The following PCTP variants were observed in gnomAD, a reference collection of about 807,000 sequenced individuals.
PCTP encodes the protein START domain-containing protein 2.
In PCTP, 27 loss-of-function variants were observed where a neutral mutation model predicts 31.0. The ratio of observed to expected loss-of-function variants is 0.87; its 90% CI spans 0.64 to 1.20. The LOEUF (loss-of-function observed/expected upper bound fraction) is 1.20, where lower values mean the gene tolerates loss of function less well. Among genes scored for constraint, PCTP ranks in the 50% most tolerant of loss-of-function variants. The pLI is 0.00. For missense variants in PCTP, 287 were observed against 268.2 expected, an observed-to-expected ratio of 1.07 and a Z score of -0.49; for synonymous variants, 108 against 101.2, an observed-to-expected ratio of 1.07 and a Z score of -0.40.
Position 55,814,901 on chromosome 17 carries a change from G to T in PCTP, c.318-7860G>T, listed in dbSNP as rs547396215. Among the ~76,000 whole-genome samples, 8 of 152,316 alleles carry T rather than the reference G, an allele frequency of 5.3e-5. 1 individual carries two copies. In the East Asian group the frequency reaches 1.5e-3, roughly 29 times the overall value. ...CAAGCGGAGTTTGGGGCTCTCTGAT[G>T]CATGCTCTACCATCTTTTTTACTGA... is the stretch of plus-strand genomic sequence containing the variant. On this transcript the variant is annotated intron_variant, in intron 3 of 3. Transcript: ENST00000572536.
intron 3 of PCTP, among the ~76,000 whole-genome samples, chr17:55,801,904 CAAAAAA>C: frequency 6.6e-6 from 1 of 152,038 alleles, no homozygotes; most frequent in East Asian, 1.9e-4. Flanking sequence ...AAAAACCCTT[CAAAAAA>C]ATCAGTGAAT....
At chr17:55,762,917 A>G (rs1000917422) in intron 1 of PCTP, among the ~76,000 whole-genome samples, 1 of 152,264 alleles carries the variant, frequency 6.6e-6, no homozygotes, top group African/African-American at 2.4e-5. Context: ...TGCATTCTGT[A>G]CATGATACTG....
chr17:55,822,254 C>T (rs776596007), intron 3 of PCTP, among the ~76,000 whole-genome samples: 6 of 152,166 alleles, frequency 3.9e-5, no homozygotes, highest in Non-Finnish European at 8.8e-5. Context: ...ATTACATTTT[C>T]TGTTTGGGCT....
chr17:55,794,077 C>T (rs1912099219), intron 3 of PCTP, among the ~76,000 whole-genome samples: 1 of 152,034 alleles, frequency 6.6e-6, no homozygotes, highest in Non-Finnish European at 1.5e-5. Context: ...AAGACAGTAA[C>T]TTGTTTTAAA....
intron 5 of PCTP, chr17:55,775,282 C>G (rs1911266237): frequency 1.9e-5 from 24 of 1,235,406 alleles, no homozygotes; most frequent in Admixed American, 4.1e-5. Flanking sequence ...TTGTTGTTGC[C>G]CTTTTTTTTT....
chr17:55,788,823 C>T (rs141402198), intron 3 of PCTP, among the ~76,000 whole-genome samples: 15 of 152,174 alleles, frequency 9.9e-5, no homozygotes, highest in African/African-American at 3.6e-4. Context: ...TTTTATAGTC[C>T]TCAGCTATGC....
chr17:55,819,658 G>A (rs1417837834), intron 3 of PCTP, among the ~76,000 whole-genome samples: 1 of 152,152 alleles, frequency 6.6e-6, no homozygotes, highest in Non-Finnish European at 1.5e-5. Context: ...GGGAGGCTGA[G>A]GTGGTAGGAT....
chr17:55,828,396 G>A (rs1395342845), intron 5 of PCTP, among the ~76,000 whole-genome samples: 3 of 152,174 alleles, frequency 2.0e-5, no homozygotes, highest in Non-Finnish European at 4.4e-5. Flanking sequence ...CTGCACAGAC[G>A]TTCCCGGCTT....
the PCTP span, among the ~76,000 whole-genome samples, chr17:55,851,302 AG>A: frequency 3.3e-5 from 5 of 152,228 alleles, no homozygotes; most frequent in African/African-American, 9.6e-5. Flanking sequence ...CAGGAAATTC[AG>A]AACATTTCAC....
chr17:55,784,837 C>T (rs1455089054), intron 2 of PCTP, among the ~76,000 whole-genome samples: 1 of 152,182 alleles, frequency 6.6e-6, no homozygotes, highest in Non-Finnish European at 1.5e-5. Flanking sequence ...ACGATCTGGC[C>T]CATGCCTGCT....
intron 1 of PCTP, 108 bp from the exon 2 acceptor site, chr17:55,767,227 A>C: frequency 1.3e-5 from 7 of 549,512 alleles, no homozygotes; most frequent in South Asian, 6.1e-5. Context: ...GTTCACTCTG[A>C]TGGTAGTTTC....
intron 2 of PCTP, among the ~76,000 whole-genome samples, chr17:55,783,144 T>C (rs968838798): frequency 3.9e-5 from 6 of 152,192 alleles, no homozygotes; most frequent in Non-Finnish European, 7.3e-5. Flanking sequence ...GACAAATTTT[T>C]AGTTCTTTTT....
downstream of PCTP, among the ~76,000 whole-genome samples, chr17:55,847,234 C>A (rs1382312248): frequency 6.6e-6 from 1 of 152,192 alleles, no homozygotes; most frequent in African/African-American, 2.4e-5. Flanking sequence ...CTGTTAAATA[C>A]TTCCAAGTAT....
At chr17:55,814,378 A>G (rs1460516114) in intron 3 of PCTP, among the ~76,000 whole-genome samples, 1 of 152,192 alleles carries the variant, frequency 6.6e-6, no homozygotes, top group African/African-American at 2.4e-5. Context: ...TTTTAGGAGA[A>G]CCAAGGTGAA....
chr17:55,751,609 G>C (rs1171726846), intron 1 of PCTP: 2 of 924,682 alleles, frequency 2.2e-6, no homozygotes, highest in African/African-American at 3.5e-5. Flanking sequence ...TGGCATATGG[G>C]GGCTGGGGTG....
intron 3 of PCTP, among the ~76,000 whole-genome samples, chr17:55,793,455 CT>C (rs1285950865): frequency 1.3e-5 from 2 of 152,046 alleles, no homozygotes; most frequent in Non-Finnish European, 2.9e-5. Flanking sequence ...TCTTCTCTAC[CT>C]TTTTTGCCTG....
At chr17:55,852,705 A>ATCT in the PCTP span, among the ~76,000 whole-genome samples, 39,355 of 151,978 alleles carry the variant, frequency 0.26, 7,463 homozygotes, top group African/African-American at 0.53. Flanking sequence ...AGCTCTGCAG[A>ATCT]TCTCCTCCAA....
chr17:55,775,641 T>C lies in PCTP; in HGVS notation c.580-394T>C, dbSNP rs953257122. ...GCTCAACATTAACTAAATAATAATA[T>C]ATCCTGCTCCTTGATCCCCAATCCT... On this transcript the variant is annotated intron_variant, in intron 5 of 5. Coordinates refer to ENST00000268896, the MANE Select transcript of PCTP (RefSeq NM_021213.4). The C allele has an allele frequency of 2.5e-6, 3 of 1,194,216 alleles. No individual in the cohort carries two copies. In the African/African-American group the frequency reaches 4.7e-5, roughly 19 times the overall value. The allele number at this position is 1,194,216 out of a possible 1,614,324, so 74.0% of individuals were successfully genotyped here.
chr17:55,800,418 C>T (rs534610492), intron 3 of PCTP, among the ~76,000 whole-genome samples: 31 of 151,932 alleles, frequency 2.0e-4, no homozygotes, highest in Non-Finnish European at 4.3e-4. Context: ...TGTTTTTCAT[C>T]TGCATCAGGT....
Sources: gnomAD v4.1 joint callset for allele counts (sites outside exome capture counted in the v4.1 genomes callset) on GRCh38, gnomAD v4.1.1 for gene constraint, MANE v1.5 for transcripts, NCBI Gene and HGNC (gene_info 2026-07-23, HGNC 2026-07-21) for gene names.